SIMC1: variants seen among roughly 807,000 people sequenced by gnomAD.
SIMC1 encodes SUMO-interacting motif-containing protein 1.
In SIMC1, 55 loss-of-function variants were observed where a neutral mutation model predicts 82.3. The ratio of observed to expected loss-of-function variants is 0.67; its 90% CI spans 0.54 to 0.84. The LOEUF (loss-of-function observed/expected upper bound fraction) is 0.84. Among genes scored for constraint, SIMC1 ranks in the 40% least tolerant of loss-of-function variants. The probability of loss-of-function intolerance (pLI) is 0.00; values close to 1 mark genes in which losing one functional copy is unlikely to be tolerated. For missense variants in SIMC1, 915 were observed against 1,107.2 expected (o/e 0.83, Z 2.46); for synonymous variants, 353 against 426.3 (o/e 0.83, Z 2.12).
At chr5:176,313,628 C>T in intron 4 of SIMC1, 63 bp from the exon 5 acceptor site, 1 of 1,597,918 alleles carries the variant, frequency 6.3e-7, no homozygotes, top group Middle Eastern at 1.7e-4. Flanking sequence ...TATGAGAGCC[C>T]AATGTTGACT....
chr5:176,270,774 A>T (rs903595479), intron 1 of SIMC1, among the ~76,000 whole-genome samples: 5 of 152,218 alleles, frequency 3.3e-5, no homozygotes, highest in African/African-American at 1.2e-4. Context: ...CAGCAGAAGC[A>T]TTTAGAACAG....
chr5:176,297,599 AC>A (rs1405723851), intron 4 of SIMC1, among the ~76,000 whole-genome samples: 1 of 151,542 alleles, frequency 6.6e-6, no homozygotes, highest in Admixed American at 6.6e-5. Context: ...AAGGTCTTCC[AC>A]ATTCTGACCT....
At chr5:176,281,049 C>T (rs1762982344) in intron 1 of SIMC1, among the ~76,000 whole-genome samples, 1 of 152,220 alleles carries the variant, frequency 6.6e-6, no homozygotes, top group Non-Finnish European at 1.5e-5. Context: ...TCCATTCTCC[C>T]CATCACTTTC....
In SIMC1 at chr5:176,297,521, A is replaced by C. The variant is rs1431777827; in HGVS notation, c.1734+1201A>C. On this transcript the variant is annotated intron_variant, in intron 4 of 9. Coordinates refer to ENST00000429602, the MANE Select transcript of SIMC1 (RefSeq NM_001308195.2). ...CTGTCTCAAAAAAAAAAAAAAAAAA[A>C]AAAAAACGTTGAATGAACTCTCTGT... Among the ~76,000 whole-genome samples the C allele has an allele frequency of 1.5e-3, 226 of 151,742 alleles. 1 individual carries two copies. Among genetic ancestry groups the C allele is most frequent in the Middle Eastern group, 3.4e-3 (1 of 294 alleles).
chr5:176,324,479 T>G, intron 6 of SIMC1, 150 bp from the exon 7 acceptor site: 1 of 671,036 alleles, frequency 1.5e-6, no homozygotes, highest in Non-Finnish European at 2.3e-6. Flanking sequence ...TGCTGATGGT[T>G]TGAGTAGTTC....
chr5:176,316,569 A>G (rs1764918471), intron 5 of SIMC1, among the ~76,000 whole-genome samples: 1 of 151,786 alleles, frequency 6.6e-6, no homozygotes, highest in Non-Finnish European at 1.5e-5. Context: ...GGCACCTGTA[A>G]TCCCAGCTAC....
intron 5 of SIMC1, among the ~76,000 whole-genome samples, chr5:176,315,774 C>A (rs1406966641): frequency 1.3e-5 from 2 of 152,062 alleles, no homozygotes; most frequent in Non-Finnish European, 2.9e-5. Context: ...TATTTATTTC[C>A]CTATATGTGA....
chr5:176,254,442 A>G (rs1761784764), intron 1 of SIMC1, among the ~76,000 whole-genome samples: 2 of 151,196 alleles, frequency 1.3e-5, no homozygotes, highest in African/African-American at 2.5e-5. Context: ...GTGACTCATC[A>G]TCAGCCATGA....
At chr5:176,276,946 C>T (rs948312984) in intron 1 of SIMC1, among the ~76,000 whole-genome samples, 1 of 150,668 alleles carries the variant, frequency 6.6e-6, no homozygotes, top group Non-Finnish European at 1.5e-5. Flanking sequence ...GATTTATAGT[C>T]CTTTGGGTAT....
chr5:176,296,345 C>A (rs771914930), intron 4 of SIMC1, 25 bp downstream of exon 4: 2 of 1,612,662 alleles, frequency 1.2e-6, no homozygotes, highest in Non-Finnish European at 1.7e-6. Context: ...AAGATTATAT[C>A]TTCTGTAGGG....
intron 4 of SIMC1, chr5:176,313,207 C>T (rs774924551): frequency 3.3e-5 from 36 of 1,080,454 alleles, no homozygotes; most frequent in Non-Finnish European, 3.4e-5. Flanking sequence ...GACATCATGG[C>T]GGTTTGATCT....
At chr5:176,295,333 G>C in intron 3 of SIMC1, 71 bp downstream of exon 3, 1 of 1,498,022 alleles carries the variant, frequency 6.7e-7, no homozygotes, top group South Asian at 1.3e-5. Flanking sequence ...GCTTTCTCTT[G>C]ACAGGCTTTT....
At chr5:176,247,985 T>C (rs1048535587) in intron 1 of SIMC1, among the ~76,000 whole-genome samples, 17 of 151,932 alleles carry the variant, frequency 1.1e-4, no homozygotes, top group African/African-American at 4.1e-4. Context: ...TTGGTACCAG[T>C]ACCATCCTGT....
intron 4 of SIMC1, among the ~76,000 whole-genome samples, chr5:176,309,696 G>A (rs1280179882): frequency 1.3e-5 from 2 of 152,178 alleles, no homozygotes; most frequent in African/African-American, 2.4e-5. Context: ...ACCACTTTGG[G>A]AGGCCAAGAT....
chr5:176,328,631 G>A (rs139196406), intron 7 of SIMC1, among the ~76,000 whole-genome samples: 1 of 152,060 alleles, frequency 6.6e-6, no homozygotes, highest in Admixed American at 6.5e-5. Flanking sequence ...GGAACACTGG[G>A]CATAAATTTA....
At chr5:176,337,292 G>A (rs1186776577) in intron 9 of SIMC1, 146 bp downstream of exon 9, 26 of 697,910 alleles carry the variant, frequency 3.7e-5, no homozygotes, top group African/African-American at 1.8e-4. Flanking sequence ...TGACATAGCC[G>A]GAGTCACCAC....
At chr5:176,282,646 C>T (rs955880124) in intron 1 of SIMC1, among the ~76,000 whole-genome samples, 4 of 152,170 alleles carry the variant, frequency 2.6e-5, no homozygotes, top group East Asian at 1.9e-4. Flanking sequence ...TGCAGCTCCT[C>T]GCCAGCAACA....
intron 1 of SIMC1, among the ~76,000 whole-genome samples, chr5:176,284,951 A>G (rs1200680164): frequency 6.6e-6 from 1 of 152,228 alleles, no homozygotes. Flanking sequence ...AAATTGAGGC[A>G]ATAATTAATA....
At chr5:176,302,811 T>C (rs970307748) in intron 4 of SIMC1, among the ~76,000 whole-genome samples, 2 of 152,010 alleles carry the variant, frequency 1.3e-5, no homozygotes, top group African/African-American at 2.4e-5. Flanking sequence ...TACAATATCA[T>C]CAAAAAGAAT....
Sources: gnomAD v4.1 joint callset for allele counts (sites outside exome capture counted in the v4.1 genomes callset) on GRCh38, gnomAD v4.1.1 for gene constraint, MANE v1.5 for transcripts, NCBI Gene and HGNC (gene_info 2026-07-23, HGNC 2026-07-21) for gene names.